Variants in CWF19L2 observed in about 807,000 individuals in gnomAD.
CWF19L2 encodes CWF19 like cell cycle control factor 2, also known as CWF19-like protein 2.
CWF19L2 carries 98 observed loss-of-function variants against 111.7 expected under a neutral mutation model. The ratio of observed to expected loss-of-function variants is 0.88; its 90% CI spans 0.75 to 1.04. CWF19L2 has a LOEUF of 1.04. Ranked by LOEUF, CWF19L2 falls within the 50% of genes least tolerant of loss-of-function variation. CWF19L2 has a pLI of 0.00. For synonymous variants in CWF19L2, 351 were observed against 342.9 expected (o/e 1.02, Z -0.26); for missense variants, 1,101 against 1,051.4 (o/e 1.05, Z -0.65).
chr11:107,372,209 T>G (rs945919940), intron 12 of CWF19L2, among the ~76,000 whole-genome samples: 1 of 135,524 alleles, frequency 7.4e-6, no homozygotes, highest in Non-Finnish European at 1.6e-5. Flanking sequence ...ACTAAAGCAT[T>G]ACTCAAAGAA....
chr11:107,383,740 A>C (rs1437709505), intron 12 of CWF19L2, among the ~76,000 whole-genome samples: 2 of 152,230 alleles, frequency 1.3e-5, no homozygotes, highest in East Asian at 3.8e-4. Flanking sequence ...ATGGGCAATA[A>C]AAATTAAATA....
At chr11:107,398,561 T>G (rs1228450517) in intron 10 of CWF19L2, among the ~76,000 whole-genome samples, 1 of 152,076 alleles carries the variant, frequency 6.6e-6, no homozygotes, top group Non-Finnish European at 1.5e-5. Flanking sequence ...CTAAGAATAA[T>G]CGGTATACCT....
intron 12 of CWF19L2, among the ~76,000 whole-genome samples, chr11:107,361,468 G>C (rs1259581390): frequency 6.6e-6 from 1 of 151,780 alleles, no homozygotes. Flanking sequence ...GCTCTTTTTT[G>C]GTTCCATATG....
chr11:107,386,179 G>C (rs1207584884), intron 12 of CWF19L2, among the ~76,000 whole-genome samples: 3 of 151,978 alleles, frequency 2.0e-5, no homozygotes, highest in Admixed American at 2.0e-4. Flanking sequence ...ATACCCAGCT[G>C]ATTTTTTATT....
chr11:107,446,834 A>C (rs1387529994), intron 3 of CWF19L2, among the ~76,000 whole-genome samples: 1 of 152,130 alleles, frequency 6.6e-6, no homozygotes, highest in East Asian at 1.9e-4. Context: ...ACTTCAGCAA[A>C]ATTGATGCTC....
At chr11:107,405,636 T>C (rs570048605) in intron 10 of CWF19L2, among the ~76,000 whole-genome samples, 12 of 152,186 alleles carry the variant, frequency 7.9e-5, no homozygotes, top group African/African-American at 2.2e-4. Flanking sequence ...CTTTTAGACA[T>C]TGACCTCGAG....
In CWF19L2 at chr11:107,348,972, T is replaced by C. The variant is rs1228142470; in HGVS notation, c.2167A>G (p.Thr723Ala). ...TCCCAGATGTCTTCATCCAACAAAG[T>C]AGCTGCTCTATGGTGCTGCAAAGGG... is the stretch of plus-strand genomic sequence containing the variant. ...IVPLQHHRAATLLDEDIWEEI... is the reference protein window; with the variant it reads ...IVPLQHHRAAALLDEDIWEEI... Residue 723 changes from threonine to alanine, a missense_variant, in exon 14 of 18, where the codon ACT becomes GCT. Coordinates refer to ENST00000282251, the MANE Select transcript of CWF19L2 (RefSeq NM_152434.3). 1 of 1,609,586 alleles carries C rather than the reference T, an allele frequency of 6.2e-7. No homozygotes were observed. The highest frequency in any genetic ancestry group is 8.5e-7 in the Non-Finnish European group (1 of 1,177,146).
intron 7 of CWF19L2, among the ~76,000 whole-genome samples, chr11:107,433,406 T>A (rs1240874612): frequency 6.6e-6 from 1 of 152,176 alleles, no homozygotes; most frequent in Non-Finnish European, 1.5e-5. Flanking sequence ...AAATTTTTTT[T>A]ACATTAAACA....
At chr11:107,373,622 A>T (rs1475474320) in intron 12 of CWF19L2, among the ~76,000 whole-genome samples, 2 of 128,300 alleles carry the variant, frequency 1.6e-5, no homozygotes, top group African/African-American at 6.1e-5. Flanking sequence ...CCATCTGTAC[A>T]TCACCATCAT....
chr11:107,347,975 A>G (rs574552426), intron 14 of CWF19L2, among the ~76,000 whole-genome samples: 6 of 152,274 alleles, frequency 3.9e-5, no homozygotes, highest in Non-Finnish European at 8.8e-5. Flanking sequence ...GAATTTCCAT[A>G]CTTTCCACCT....
intron 6 of CWF19L2, 40 bp downstream of exon 6, chr11:107,439,050 A>C (rs1224622724): frequency 2.1e-6 from 2 of 942,452 alleles, no homozygotes; most frequent in East Asian, 2.7e-5. Context: ...AAAAAAAAAA[A>C]AAAAAACCCT....
intron 10 of CWF19L2, chr11:107,404,331 A>G: frequency 1.3e-6 from 1 of 789,696 alleles, no homozygotes; most frequent in South Asian, 1.3e-5. Flanking sequence ...TCAGGGTTGG[A>G]AGCCTTTACT....
intron 11 of CWF19L2, among the ~76,000 whole-genome samples, chr11:107,392,485 C>G (rs927510398): frequency 1.3e-5 from 2 of 152,072 alleles, no homozygotes; most frequent in Non-Finnish European, 2.9e-5. Context: ...AGAGCTATAG[C>G]AAGTATGCCA....
chr11:107,443,390 G>A (rs561864878), intron 3 of CWF19L2, among the ~76,000 whole-genome samples: 16 of 152,166 alleles, frequency 1.1e-4, no homozygotes, highest in African/African-American at 3.4e-4. Context: ...GGCTAAGGCA[G>A]GAGAATCGCT....
At chr11:107,421,356 G>C (rs1029944684) in intron 8 of CWF19L2, among the ~76,000 whole-genome samples, 3 of 151,626 alleles carry the variant, frequency 2.0e-5, no homozygotes, top group African/African-American at 7.3e-5. Context: ...CAGAAAAAGA[G>C]CAAATTAAAA....
At chr11:107,350,737 TA>T (rs931729608) in intron 13 of CWF19L2, among the ~76,000 whole-genome samples, 3 of 151,852 alleles carry the variant, frequency 2.0e-5, no homozygotes, top group Non-Finnish European at 2.9e-5. Flanking sequence ...TAAGGGGTAC[TA>T]AAAAAAATAA....
intron 12 of CWF19L2, among the ~76,000 whole-genome samples, chr11:107,362,032 G>C (rs1273318501): frequency 6.6e-6 from 1 of 152,196 alleles, no homozygotes; most frequent in African/African-American, 2.4e-5. Flanking sequence ...GGGTCAGGGA[G>C]TTCCCTTTCT....
intron 12 of CWF19L2, among the ~76,000 whole-genome samples, chr11:107,385,566 A>C (rs974336122): frequency 6.6e-6 from 1 of 152,250 alleles, no homozygotes; most frequent in African/African-American, 2.4e-5. Context: ...CAAATCAGCT[A>C]ATATTAAATA....
At chr11:107,445,333 C>T (rs1009127876) in intron 3 of CWF19L2, among the ~76,000 whole-genome samples, 21 of 152,150 alleles carry the variant, frequency 1.4e-4, no homozygotes, top group Admixed American at 1.3e-4. Flanking sequence ...AGGCTGGGCG[C>T]GGTGGCTCAC....
Sources: gnomAD v4.1 joint callset for allele counts (sites outside exome capture counted in the v4.1 genomes callset) on GRCh38, gnomAD v4.1.1 for gene constraint, MANE v1.5 for transcripts, NCBI Gene and HGNC (gene_info 2026-07-23, HGNC 2026-07-21) for gene names.